MYO5B: variants seen among roughly 807,000 people sequenced by gnomAD.
The protein encoded by MYO5B is myosin VB, also known as unconventional myosin-Vb.
A neutral mutation model predicts 229.3 loss-of-function variants in MYO5B; 143 were observed. The observed-to-expected ratio is 0.62, with a 90% CI of 0.54 to 0.72. The LOEUF is 0.72. Ranked by LOEUF, MYO5B falls within the 30% of genes least tolerant of loss-of-function variation. MYO5B has a pLI of 0.00. For missense variants in MYO5B, 2,321 were observed against 2,331.0 expected (o/e 1.00, Z 0.09); for synonymous variants, 918 against 885.2 (o/e 1.04, Z -0.66).
chr18:49,943,671 ATGT>A (rs754805459), intron 14 of MYO5B, among the ~76,000 whole-genome samples: 4 of 152,350 alleles, frequency 2.6e-5, no homozygotes, highest in African/African-American at 7.2e-5. Context: ...TATGCAACAA[ATGT>A]TGTGCTAGGA....
At chr18:49,979,721 T>C (rs965214927) in intron 9 of MYO5B, among the ~76,000 whole-genome samples, 1 of 152,178 alleles carries the variant, frequency 6.6e-6, no homozygotes, top group Admixed American at 6.5e-5. Context: ...TAAATGGGCA[T>C]AAGAGGTATA....
chr18:49,837,282 T>G (rs1351252512), intron 37 of MYO5B, among the ~76,000 whole-genome samples: 1 of 152,268 alleles, frequency 6.6e-6, no homozygotes, highest in Non-Finnish European at 1.5e-5. Context: ...ACTTAGAGTA[T>G]GTCAACATCT....
Position 49,974,430 on chromosome 18 carries a change from G to A in MYO5B, c.1242C>T (p.Gly414=). ...LAKHIYAQLF[G]WIVEHINKAL... ...CCTTGTTGATGTGCTCCACAATCCA[G>A]CCGAACAACTGGGCATAGATGTGCT... Residue 414 remains glycine, a synonymous_variant, in exon 10 of 40, where the codon GGC becomes GGT. Coordinates refer to ENST00000285039, the MANE Select transcript of MYO5B (RefSeq NM_001080467.3). The A allele has an allele frequency of 1.2e-6, 2 of 1,614,182 alleles. No individual in the cohort carries two copies. The highest frequency in any genetic ancestry group is 1.7e-6 in the Non-Finnish European group (2 of 1,180,014).
At chr18:49,849,541 A>C (rs756128155) in intron 32 of MYO5B, 26 bp downstream of exon 32, 19 of 1,549,514 alleles carry the variant, frequency 1.2e-5, no homozygotes, top group Non-Finnish European at 1.7e-5. Flanking sequence ...GTGATTCACA[A>C]AACACACTCA....
intron 14 of MYO5B, among the ~76,000 whole-genome samples, chr18:49,944,899 C>T (rs1280596374): frequency 1.3e-5 from 2 of 152,194 alleles, no homozygotes; most frequent in Non-Finnish European, 2.9e-5. Flanking sequence ...TGGCCTCCTC[C>T]CCATGCTGCT....
At chr18:49,950,884 T>C (rs1357665877) in intron 14 of MYO5B, among the ~76,000 whole-genome samples, 1 of 152,206 alleles carries the variant, frequency 6.6e-6, no homozygotes, top group African/African-American at 2.4e-5. Flanking sequence ...GACCCCTGGC[T>C]GGTGTCAGGG....
chr18:50,088,177 G>A (rs1202632908), intron 1 of MYO5B, among the ~76,000 whole-genome samples: 3 of 152,170 alleles, frequency 2.0e-5, no homozygotes, highest in Non-Finnish European at 4.4e-5. Context: ...GAGGGTAGAA[G>A]GAAATAAACG....
intron 1 of MYO5B, among the ~76,000 whole-genome samples, chr18:50,080,496 G>T (rs1052849902): frequency 2.6e-5 from 4 of 152,138 alleles, no homozygotes; most frequent in Non-Finnish European, 4.4e-5. Flanking sequence ...CAGCATGTGG[G>T]GGAAACCAAT....
intron 16 of MYO5B, among the ~76,000 whole-genome samples, chr18:49,931,256 A>G (rs2144198998): frequency 6.6e-6 from 1 of 152,238 alleles, no homozygotes; most frequent in East Asian, 1.9e-4. Context: ...ACCTCAACCC[A>G]GGCAACACTC....
intron 29 of MYO5B, among the ~76,000 whole-genome samples, chr18:49,862,258 A>G (rs1224077120): frequency 2.0e-5 from 3 of 152,172 alleles, no homozygotes; most frequent in Non-Finnish European, 4.4e-5. Flanking sequence ...TCAGCCTCCC[A>G]AAGTGCTTAG....
At chr18:50,084,335 T>TA (rs1362641740) in intron 1 of MYO5B, among the ~76,000 whole-genome samples, 2 of 152,190 alleles carry the variant, frequency 1.3e-5, no homozygotes, top group South Asian at 2.1e-4. Flanking sequence ...TCTCTAGAGT[T>TA]AGAGAGGAAC....
At chr18:49,885,219 G>C (rs1173670954) in intron 22 of MYO5B, among the ~76,000 whole-genome samples, 1 of 152,196 alleles carries the variant, frequency 6.6e-6, no homozygotes, top group Non-Finnish European at 1.5e-5. Flanking sequence ...TCTAGCTTAA[G>C]TCACAGGATG....
At chr18:50,128,464 C>T (rs1462019394) in intron 1 of MYO5B, among the ~76,000 whole-genome samples, 1 of 152,144 alleles carries the variant, frequency 6.6e-6, no homozygotes, top group African/African-American at 2.4e-5. Flanking sequence ...GAAGTGATCC[C>T]ACATGGATAA....
intron 16 of MYO5B, among the ~76,000 whole-genome samples, chr18:49,932,005 G>C (rs980639356): frequency 6.6e-6 from 1 of 152,216 alleles, no homozygotes; most frequent in Non-Finnish European, 1.5e-5. Flanking sequence ...GTGTTCAGGA[G>C]CATCTGGGAC....
intron 1 of MYO5B, among the ~76,000 whole-genome samples, chr18:50,140,952 G>A: frequency 6.6e-6 from 1 of 152,218 alleles, no homozygotes; most frequent in East Asian, 1.9e-4. Flanking sequence ...TGGCAAAGAT[G>A]TGTGACAATA....
chr18:50,093,225 CAG>C (rs1568103770), intron 1 of MYO5B, among the ~76,000 whole-genome samples: 6 of 145,892 alleles, frequency 4.1e-5, no homozygotes, highest in African/African-American at 1.3e-4. Flanking sequence ...CACACACACA[CAG>C]AGAGGCACAC....
In MYO5B at chr18:50,044,464, C is replaced by G. The variant is rs541654924; in HGVS notation, c.139-4150G>C. Among the ~76,000 whole-genome samples the G allele has an allele frequency of 8.3e-4, 126 of 152,134 alleles. 2 individuals carry two copies. The highest frequency in any genetic ancestry group is 1.2e-4 in the Non-Finnish European group (8 of 68,010). On this transcript the variant is annotated intron_variant, in intron 2 of 39. Transcript: ENST00000285039. ...GGAGGCTAAATGTTAACAATTCTCA[C>G]AAAATTAATACTTAGTCACCACTCA...
At chr18:50,076,623 T>A (rs112983768) in intron 1 of MYO5B, among the ~76,000 whole-genome samples, 5,774 of 152,178 alleles carry the variant, frequency 0.038, 361 homozygotes, top group African/African-American at 0.13. Flanking sequence ...CGGCAGTTGG[T>A]CTAAATAAGA....
At chr18:50,182,055 A>G (rs1029016330) in intron 1 of MYO5B, among the ~76,000 whole-genome samples, 10 of 152,236 alleles carry the variant, frequency 6.6e-5, no homozygotes, top group Non-Finnish European at 1.3e-4. Context: ...TACTTTTGCC[A>G]GGGTGGGCTC....
Sources: gnomAD v4.1 joint callset for allele counts (sites outside exome capture counted in the v4.1 genomes callset) on GRCh38, gnomAD v4.1.1 for gene constraint, MANE v1.5 for transcripts, NCBI Gene and HGNC (gene_info 2026-07-23, HGNC 2026-07-21) for gene names.